Variants in NKAIN2 observed in about 807,000 individuals in gnomAD.
The protein encoded by NKAIN2 is sodium/potassium transporting ATPase interacting 2.
In NKAIN2, 14 loss-of-function variants were observed where a neutral mutation model predicts 32.6. That is an observed-to-expected ratio of 0.43 (90% CI 0.28 to 0.67). NKAIN2 has a LOEUF of 0.67. NKAIN2 is among the 30% of genes least tolerant of loss of function. The pLI is 0.17. For missense variants in NKAIN2, 198 were observed against 258.3 expected, an observed-to-expected ratio of 0.77 and a Z score of 1.60; for synonymous variants, 80 against 87.2, an observed-to-expected ratio of 0.92 and a Z score of 0.46.
intron 3 of NKAIN2, among the ~76,000 whole-genome samples, chr6:124,383,426 C>T (rs919653311): frequency 6.6e-6 from 1 of 152,136 alleles, no homozygotes; most frequent in Non-Finnish European, 1.5e-5. Context: ...GGAATAAAAT[C>T]AAACATCTAG....
intron 3 of NKAIN2, among the ~76,000 whole-genome samples, chr6:124,646,705 G>C (rs1415456724): frequency 1.3e-5 from 2 of 152,040 alleles, no homozygotes; most frequent in East Asian, 3.9e-4. Context: ...AATCCCAGCA[G>C]TTTGGGAAGC....
intron 1 of NKAIN2, among the ~76,000 whole-genome samples, chr6:123,879,539 A>G (rs1465840036): frequency 2.0e-5 from 3 of 152,162 alleles, no homozygotes; most frequent in African/African-American, 7.2e-5. Context: ...CCTGGTGATC[A>G]TTCAGGAGCT....
intron 1 of NKAIN2, among the ~76,000 whole-genome samples, chr6:124,281,032 T>G (rs1042549289): frequency 4.6e-5 from 7 of 152,174 alleles, no homozygotes; most frequent in Admixed American, 2.6e-4. Flanking sequence ...AGTTATTACA[T>G]TATCATCTCT....
At chr6:124,155,411 G>T (rs567699551) in intron 1 of NKAIN2, among the ~76,000 whole-genome samples, 2 of 151,802 alleles carry the variant, frequency 1.3e-5, no homozygotes, top group Non-Finnish European at 2.9e-5. Context: ...ACATTACTGT[G>T]TACCCCATAA....
rs1193768225 is a variant in NKAIN2 at position 124,730,553 on chromosome 6, A to G, written c.475-60786A>G. On this transcript the variant is annotated intron_variant, in intron 4 of 6. Coordinates refer to ENST00000368417, the MANE Select transcript of NKAIN2 (RefSeq NM_001040214.3). ...TCCCTTCCTTACACCTTATACAAAA[A>G]TCAATTCAAGATGGATTAAAGACTT... Among the ~76,000 whole-genome samples the G allele has an allele frequency of 4.6e-4, 62 of 136,070 alleles. 1 individual carries two copies. Among genetic ancestry groups the G allele is most frequent in the African/African-American group, 1.6e-3 (57 of 36,356 alleles). 89.3% of individuals were successfully genotyped at this position (136,070 alleles called of 152,430 possible). A position where few individuals can be genotyped will look rare whatever the true frequency, so the allele number is the denominator to read the frequency against.
chr6:123,845,251 A>C (rs2114943889), intron 1 of NKAIN2, among the ~76,000 whole-genome samples: 1 of 152,352 alleles, frequency 6.6e-6, no homozygotes, highest in East Asian at 1.9e-4. Flanking sequence ...ACAGTTTAAT[A>C]ATATGAAGAA....
At chr6:124,668,025 T>C (rs2114463859) in intron 4 of NKAIN2, among the ~76,000 whole-genome samples, 1 of 152,280 alleles carries the variant, frequency 6.6e-6, no homozygotes, top group South Asian at 2.1e-4. Flanking sequence ...CTCATGGCAC[T>C]GTGGCTGCTT....
chr6:124,696,977 AT>A (rs1423836460), intron 4 of NKAIN2, among the ~76,000 whole-genome samples: 1 of 151,894 alleles, frequency 6.6e-6, no homozygotes, highest in African/African-American at 2.4e-5. Flanking sequence ...TAAAAGATGG[AT>A]TTTTTTCTAT....
At chr6:124,117,167 G>A (rs566307367) in intron 1 of NKAIN2, among the ~76,000 whole-genome samples, 1 of 151,986 alleles carries the variant, frequency 6.6e-6, no homozygotes, top group Non-Finnish European at 1.5e-5. Context: ...ATTCAATTTT[G>A]GTTAAGGTAG....
chr6:124,582,886 T>C (rs1287827987), intron 3 of NKAIN2, among the ~76,000 whole-genome samples: 3 of 152,154 alleles, frequency 2.0e-5, no homozygotes, highest in Admixed American at 1.3e-4. Context: ...ATTATTTCAA[T>C]TGATGCTGAA....
chr6:124,664,793 C>CAAAAAAAAAAAAAAA (rs57032378), intron 4 of NKAIN2, among the ~76,000 whole-genome samples: 1 of 40,798 alleles, frequency 2.5e-5, no homozygotes, highest in African/African-American at 9.8e-5. Flanking sequence ...GACTCCGTCT[C>CAAAAAAAAAAAAAAA]AAAAAAAAAA....
intron 1 of NKAIN2, among the ~76,000 whole-genome samples, chr6:123,917,990 G>T (rs182012807): frequency 4.3e-4 from 65 of 152,244 alleles, no homozygotes; most frequent in African/African-American, 1.5e-3. Context: ...ATATAAACTT[G>T]TAATTAAGTA....
At chr6:123,810,644 T>C (rs556847116) in intron 1 of NKAIN2, among the ~76,000 whole-genome samples, 2 of 149,842 alleles carry the variant, frequency 1.3e-5, no homozygotes, top group East Asian at 3.9e-4. Context: ...AAAAAATATA[T>C]TCTTTTTTTT....
At chr6:124,425,870 T>C (rs1774961725) in intron 3 of NKAIN2, among the ~76,000 whole-genome samples, 1 of 152,170 alleles carries the variant, frequency 6.6e-6, no homozygotes, top group Admixed American at 6.5e-5. Context: ...TTATTCACAA[T>C]ATGATTTTTT....
chr6:124,055,705 C>G (rs150768457), intron 1 of NKAIN2, among the ~76,000 whole-genome samples: 1 of 151,942 alleles, frequency 6.6e-6, no homozygotes, highest in African/African-American at 2.4e-5. Flanking sequence ...AAAATTATAG[C>G]ACAATGTGGA....
Position 124,508,379 on chromosome 6 carries a change from C to G in NKAIN2, c.274-149807C>G, listed in dbSNP as rs1778573739. Among the ~76,000 whole-genome samples, 4 of 151,336 alleles carry G rather than the reference C, an allele frequency of 2.6e-5. No homozygotes were observed. The South Asian group carries it at 8.4e-4, about 32-fold the overall frequency. ...TTCTTTTTTGAGATGGAGTCTCGCTCTGTCACCCAGGCTGGAGTGCAGTGG... is the reference window on the plus strand; with the variant it reads ...TTCTTTTTTGAGATGGAGTCTCGCTGTGTCACCCAGGCTGGAGTGCAGTGG... On this transcript the variant is annotated intron_variant, in intron 3 of 6. Transcript: ENST00000368417.
At chr6:124,055,762 T>G (rs999668299) in intron 1 of NKAIN2, among the ~76,000 whole-genome samples, 1 of 152,042 alleles carries the variant, frequency 6.6e-6, no homozygotes, top group Non-Finnish European at 1.5e-5. Flanking sequence ...CTCTCCTAGT[T>G]GCCAGTTGCA....
intron 3 of NKAIN2, among the ~76,000 whole-genome samples, chr6:124,477,887 C>T (rs1230213288): frequency 6.7e-6 from 1 of 149,288 alleles, no homozygotes; most frequent in Admixed American, 6.8e-5. Flanking sequence ...GGAAAGAATC[C>T]TAGCATTTTC....
intron 1 of NKAIN2, among the ~76,000 whole-genome samples, chr6:124,050,904 G>A (rs2114833030): frequency 6.6e-6 from 1 of 152,146 alleles, no homozygotes; most frequent in Non-Finnish European, 1.5e-5. Flanking sequence ...TTTGGCAGAT[G>A]ATTAAGATCT....
Sources: allele counts gnomAD v4.1 joint callset (sites outside exome capture counted in the v4.1 genomes callset), GRCh38; gene constraint gnomAD v4.1.1; transcripts MANE v1.5; gene names NCBI Gene and HGNC (gene_info 2026-07-23, HGNC 2026-07-21).